The following ZBTB20 variants were observed in gnomAD, a reference collection of about 807,000 sequenced individuals.
ZBTB20 encodes zinc finger and BTB domain-containing protein 20.
A neutral mutation model predicts 56.9 loss-of-function variants in ZBTB20; 9 were observed. The ratio of observed to expected loss-of-function variants is 0.16; its 90% confidence interval spans 0.10 to 0.28. The LOEUF (loss-of-function observed/expected upper bound fraction) is 0.28. Among genes scored for constraint, ZBTB20 ranks in the 10% least tolerant of loss-of-function variants. The pLI is 1.00. For missense variants in ZBTB20, 655 were observed against 1,003.0 expected, an observed-to-expected ratio of 0.65 and a Z score of 4.69; for synonymous variants, 417 against 420.7, an observed-to-expected ratio of 0.99 and a Z score of 0.11.
chr3:114,637,492 T>C (rs1205000157), intron 6 of ZBTB20, among the ~76,000 whole-genome samples: 3 of 152,148 alleles, frequency 2.0e-5, no homozygotes, highest in African/African-American at 7.2e-5. Context: ...CATCCTAGGT[T>C]CCAGTACTTC....
chr3:115,095,017 T>G (rs1252163119), intron 1 of ZBTB20, among the ~76,000 whole-genome samples: 1 of 152,098 alleles, frequency 6.6e-6, no homozygotes, highest in Admixed American at 6.6e-5. Flanking sequence ...ATAAAAACTT[T>G]CAAATAGATT....
chr3:114,593,864 T>C (rs184614729), intron 6 of ZBTB20, among the ~76,000 whole-genome samples: 48 of 152,334 alleles, frequency 3.2e-4, no homozygotes, highest in African/African-American at 1.1e-3. Flanking sequence ...AGATTTTACA[T>C]TGTGTTAAGG....
intron 6 of ZBTB20, among the ~76,000 whole-genome samples, chr3:114,526,929 T>A (rs60087087): frequency 2.0e-5 from 3 of 152,040 alleles, no homozygotes; most frequent in Non-Finnish European, 4.4e-5. Flanking sequence ...CCTTCTCCCC[T>A]CCTCCAGATC....
chr3:114,555,856 C>T (rs1288661921), intron 6 of ZBTB20, among the ~76,000 whole-genome samples: 5 of 152,010 alleles, frequency 3.3e-5, no homozygotes, highest in African/African-American at 1.2e-4. Flanking sequence ...AGCCACAGAC[C>T]CTGCTGACTT....
intron 6 of ZBTB20, among the ~76,000 whole-genome samples, chr3:114,681,977 G>A (rs1365807069): frequency 1.3e-5 from 2 of 152,078 alleles, no homozygotes; most frequent in African/African-American, 2.4e-5. Context: ...TTCATTAAAT[G>A]TTAGTTTCTG....
chr3:114,905,466 A>G (rs569163552), intron 3 of ZBTB20, among the ~76,000 whole-genome samples: 1 of 151,960 alleles, frequency 6.6e-6, no homozygotes, highest in East Asian at 1.9e-4. Flanking sequence ...ATAAGACTGT[A>G]AACTTGGGGA....
At chr3:114,340,714 T>C (rs1279386824) in intron 11 of ZBTB20, among the ~76,000 whole-genome samples, 1 of 152,212 alleles carries the variant, frequency 6.6e-6, no homozygotes, top group Non-Finnish European at 1.5e-5. Flanking sequence ...GACTGCCCAG[T>C]GTAGGCCCTC....
intron 7 of ZBTB20, among the ~76,000 whole-genome samples, chr3:114,456,620 A>C (rs918651919): frequency 6.6e-6 from 1 of 152,212 alleles, no homozygotes; most frequent in Non-Finnish European, 1.5e-5. Context: ...GCTACTAAAA[A>C]GGGGAAACTA....
At chr3:114,753,364 G>A (rs1560209487) in intron 5 of ZBTB20, among the ~76,000 whole-genome samples, 1 of 64,124 alleles carries the variant, frequency 1.6e-5, no homozygotes, top group Non-Finnish European at 3.4e-5. Flanking sequence ...TATATATAAT[G>A]TATATATAAT....
Position 114,508,026 on chromosome 3 carries a change from C to G in ZBTB20, c.-294-7635G>C, listed in dbSNP as rs537882341. 2.1e-4 allele frequency among the ~76,000 whole-genome samples: 32 copies of G among 152,156 alleles called. No individual in the cohort carries two copies. The South Asian group carries it at 6.4e-3, about 31-fold the overall frequency. On this transcript the variant is annotated intron_variant, in intron 6 of 11. Coordinates refer to ENST00000675478, the MANE Select transcript of ZBTB20 (RefSeq NM_001348800.3). ...AGTCTAACAATTAATTCTTTCATGT[C>G]TAAGAAATTTGCTGAATATTTCATA...
chr3:114,900,140 T>G (rs1273105100), intron 4 of ZBTB20, among the ~76,000 whole-genome samples, 164 bp downstream of exon 4: 2 of 152,134 alleles, frequency 1.3e-5, no homozygotes, highest in Non-Finnish European at 2.9e-5. Context: ...AAATAAAATA[T>G]ATGTATAAAA....
intron 1 of ZBTB20, among the ~76,000 whole-genome samples, chr3:115,079,975 A>C (rs2082738850): frequency 6.6e-6 from 1 of 152,166 alleles, no homozygotes; most frequent in Admixed American, 6.5e-5. Flanking sequence ...TGGCTTTCTT[A>C]TCTGCATTTT....
At chr3:114,839,100 A>T (rs2074253307) in intron 4 of ZBTB20, among the ~76,000 whole-genome samples, 1 of 152,142 alleles carries the variant, frequency 6.6e-6, no homozygotes, top group Non-Finnish European at 1.5e-5. Context: ...AACTTTGACC[A>T]TTAAATAGTT....
chr3:114,719,568 T>C lies in ZBTB20; in HGVS notation c.-342-25993A>G, dbSNP rs115893494. On this transcript the variant is annotated intron_variant, in intron 5 of 11. Coordinates refer to ENST00000675478, the MANE Select transcript of ZBTB20 (RefSeq NM_001348800.3). The stretch of plus-strand genomic sequence containing the variant: ...AGTATTGGGTTATTAGGGGCACCGA[T>C]TGCAAGTTCTAAGCCTTTATCTAAC... Among the ~76,000 whole-genome samples, 1,146 of 152,200 alleles carry C rather than the reference T, an allele frequency of 7.5e-3. 11 individuals are homozygous for C. Among genetic ancestry groups the C allele is most frequent in the African/African-American group, 0.025 (1,038 of 41,544 alleles).
At chr3:115,039,574 G>A (rs1164610096) in intron 2 of ZBTB20, among the ~76,000 whole-genome samples, 3 of 151,998 alleles carry the variant, frequency 2.0e-5, no homozygotes. Flanking sequence ...GATTCTATTA[G>A]TCTTCTCAAA....
chr3:114,365,110 C>T (rs561236043), intron 10 of ZBTB20, among the ~76,000 whole-genome samples: 10 of 152,278 alleles, frequency 6.6e-5, no homozygotes, highest in African/African-American at 2.4e-4. Flanking sequence ...CTCCCAGCCT[C>T]CTCCTACCCA....
rs917201190 is a variant in ZBTB20 at position 114,414,735 on chromosome 3, T to C, written c.-254-25630A>G. 2.7e-5 allele frequency among the ~76,000 whole-genome samples: 4 copies of C among 147,770 alleles called. No homozygotes were observed. The Admixed American group carries it at 2.7e-4, about 10-fold the overall frequency. On this transcript the variant is annotated intron_variant, in intron 7 of 11. Transcript: ENST00000675478. ...ATATTTATATAAAATATATAAAATATAATTATAAAATATATAAAATATAAA... is the reference window on the plus strand; with the variant it reads ...ATATTTATATAAAATATATAAAATACAATTATAAAATATATAAAATATAAA...
intron 6 of ZBTB20, among the ~76,000 whole-genome samples, chr3:114,613,138 G>A (rs1266525061): frequency 6.6e-6 from 1 of 152,174 alleles, no homozygotes; most frequent in African/African-American, 2.4e-5. Flanking sequence ...GTTCCATGAA[G>A]GAAAAGATGA....
At chr3:114,563,072 CA>C (rs528259689) in intron 6 of ZBTB20, among the ~76,000 whole-genome samples, 159 of 152,210 alleles carry the variant, frequency 1.0e-3, no homozygotes, top group Admixed American at 2.6e-3. Context: ...AGGGTTGCCA[CA>C]AACTTTCAAT....
Sources: allele counts gnomAD v4.1 joint callset (sites outside exome capture counted in the v4.1 genomes callset), GRCh38; gene constraint gnomAD v4.1.1; transcripts MANE v1.5; gene names NCBI Gene and HGNC (gene_info 2026-07-23, HGNC 2026-07-21).